The following BBS9 variants were observed in gnomAD, a reference collection of about 807,000 sequenced individuals.
BBS9 encodes protein PTHB1.
In BBS9, 89 loss-of-function variants were observed where a neutral mutation model predicts 117.7. The ratio of observed to expected loss-of-function variants is 0.76; its 90% confidence interval spans 0.64 to 0.90. The LOEUF (loss-of-function observed/expected upper bound fraction) is 0.90. BBS9 is among the 40% of genes least tolerant of loss of function. The pLI, the probability that BBS9 is intolerant of heterozygous loss-of-function variation, is 0.00. For synonymous variants in BBS9, 379 were observed against 370.9 expected (o/e 1.02, Z -0.25); for missense variants, 982 against 1,042.2 (o/e 0.94, Z 0.80).
At chr7:33,372,040 T>C (rs1167849190) in intron 17 of BBS9, among the ~76,000 whole-genome samples, 1 of 152,200 alleles carries the variant, frequency 6.6e-6, no homozygotes. Flanking sequence ...TGGGTTCACC[T>C]GATCAAAATT....
At chr7:33,148,307 A>G (rs918642897) in intron 2 of BBS9, among the ~76,000 whole-genome samples, 1 of 152,100 alleles carries the variant, frequency 6.6e-6, no homozygotes, top group African/African-American at 2.4e-5. Context: ...TAGGACTGTA[A>G]CCTGGAGAAT....
intron 20 of BBS9, among the ~76,000 whole-genome samples, chr7:33,514,534 C>T (rs971863769): frequency 6.6e-6 from 1 of 152,086 alleles, no homozygotes; most frequent in African/African-American, 2.4e-5. Context: ...CAGGGAGTTT[C>T]CTGTACTTTA....
At chr7:33,489,331 C>CT (rs35199510) in intron 19 of BBS9, among the ~76,000 whole-genome samples, 22,193 of 86,234 alleles carry the variant, frequency 0.26, 3,264 homozygotes, top group South Asian at 0.3. Context: ...CCACTTATGG[C>CT]TTTTTTTTTT....
chr7:33,603,113 G>T (rs1483912578), intron 21 of BBS9, among the ~76,000 whole-genome samples: 2 of 152,102 alleles, frequency 1.3e-5, no homozygotes, highest in African/African-American at 4.8e-5. Flanking sequence ...CATCAAACTC[G>T]CTCTCATCTG....
At chr7:33,601,918 A>G (rs528547744) in intron 21 of BBS9, among the ~76,000 whole-genome samples, 7 of 152,272 alleles carry the variant, frequency 4.6e-5, no homozygotes, top group East Asian at 3.9e-4. Context: ...ACCTCCAGCT[A>G]TGGAGCCCCT....
Position 33,383,852 on chromosome 7 carries a change from T to G in BBS9, c.1962+14T>G. The G allele has an allele frequency of 6.2e-7, 1 of 1,607,008 alleles. No homozygotes were observed. Among genetic ancestry groups the G allele is most frequent in the Non-Finnish European group, 8.5e-7 (1 of 1,175,906 alleles). The stretch of plus-strand genomic sequence containing the variant: ...CATCATTTTGAGGTATGTATGATCA[T>G]AACCCACATCATCTATAATCCTTAA... On this transcript the variant is annotated intron_variant, in intron 18 of 22. Transcript: ENST00000242067.
chr7:33,350,078 ATC>A (rs1186676705), intron 13 of BBS9, among the ~76,000 whole-genome samples: 1 of 152,216 alleles, frequency 6.6e-6, no homozygotes, highest in African/African-American at 2.4e-5. Context: ...TTTGTATAGA[ATC>A]TCTTACTCCC....
chr7:33,438,703 G>A (rs1483959969), intron 19 of BBS9, among the ~76,000 whole-genome samples: 1 of 152,202 alleles, frequency 6.6e-6, no homozygotes, highest in East Asian at 1.9e-4. Flanking sequence ...ACTTGTAGGA[G>A]CACAATTAGA....
chr7:33,139,272 A>C (rs1289682286), intron 1 of BBS9, among the ~76,000 whole-genome samples: 1 of 149,174 alleles, frequency 6.7e-6, no homozygotes, highest in Non-Finnish European at 1.5e-5. Context: ...AACAAAAAAC[A>C]AAACAAAACA....
At chr7:33,389,150 G>A (rs1168721416) in intron 19 of BBS9, among the ~76,000 whole-genome samples, 1 of 152,124 alleles carries the variant, frequency 6.6e-6, no homozygotes, top group East Asian at 1.9e-4. Flanking sequence ...GTGGGTGCGT[G>A]TATTAAGTTG....
intron 6 of BBS9, 43 bp from the exon 7 acceptor site, chr7:33,264,247 A>G: frequency 9.9e-7 from 1 of 1,013,774 alleles, no homozygotes; most frequent in Non-Finnish European, 1.4e-6. Flanking sequence ...TATAATTTTT[A>G]ATTATAAACT....
intron 5 of BBS9, among the ~76,000 whole-genome samples, chr7:33,246,120 C>T (rs1289233799): frequency 3.3e-5 from 5 of 151,964 alleles, no homozygotes; most frequent in Non-Finnish European, 5.9e-5. Flanking sequence ...TAGAAGAAAC[C>T]AAGGACATTT....
chr7:33,330,808 G>C (rs1413173475), intron 9 of BBS9, among the ~76,000 whole-genome samples: 1 of 152,070 alleles, frequency 6.6e-6, no homozygotes, highest in Non-Finnish European at 1.5e-5. Flanking sequence ...TAGTGACTTA[G>C]CTCAGTCGAT....
intron 7 of BBS9, among the ~76,000 whole-genome samples, chr7:33,268,145 T>C (rs183970055): frequency 6.6e-6 from 1 of 152,314 alleles, no homozygotes; most frequent in African/African-American, 2.4e-5. Flanking sequence ...ACAGGAAATA[T>C]CTTATACCCT....
chr7:33,559,756 A>G (rs1464139030), intron 21 of BBS9, among the ~76,000 whole-genome samples: 1 of 152,124 alleles, frequency 6.6e-6, no homozygotes, highest in African/African-American at 2.4e-5. Flanking sequence ...ATTATCTGCC[A>G]CGACTCGTGA....
At chr7:33,568,454 C>G (rs1010948596) in intron 21 of BBS9, among the ~76,000 whole-genome samples, 5 of 152,188 alleles carry the variant, frequency 3.3e-5, no homozygotes, top group Middle Eastern at 3.2e-3. Context: ...TTAGAACTGT[C>G]TTTTTACTCT....
chr7:33,258,486 C>A (rs979386561), intron 6 of BBS9, among the ~76,000 whole-genome samples: 3 of 151,954 alleles, frequency 2.0e-5, no homozygotes, highest in African/African-American at 4.8e-5. Flanking sequence ...AGAATTTAAC[C>A]GATTTAGGAA....
chr7:33,390,375 G>A (rs1826849275), intron 19 of BBS9: 8 of 985,248 alleles, frequency 8.1e-6, no homozygotes, highest in Non-Finnish European at 8.4e-6. Context: ...TTAGCCTCAA[G>A]GTTGAGGTTT....
At chr7:33,286,749 A>G (rs1305484615) in intron 9 of BBS9, among the ~76,000 whole-genome samples, 1 of 152,180 alleles carries the variant, frequency 6.6e-6, no homozygotes, top group Non-Finnish European at 1.5e-5. Context: ...TTTGAACTTT[A>G]GAACTTTGGA....
Sources: gnomAD v4.1 joint callset for allele counts (sites outside exome capture counted in the v4.1 genomes callset) on GRCh38, gnomAD v4.1.1 for gene constraint, MANE v1.5 for transcripts, NCBI Gene and HGNC (gene_info 2026-07-23, HGNC 2026-07-21) for gene names.